The following CTC1 variants were observed in gnomAD, a reference collection of about 807,000 sequenced individuals.
CTC1 encodes CST telomere replication complex component 1.
CTC1 carries 91 observed loss-of-function variants against 136.3 expected under a neutral mutation model. That is an observed-to-expected ratio of 0.67 (90% CI 0.56 to 0.79). CTC1 has a LOEUF of 0.79. Ranked by LOEUF, CTC1 falls within the 30% of genes least tolerant of loss-of-function variation. The pLI is 0.00. For missense variants in CTC1, 1,432 were observed against 1,498.1 expected, an observed-to-expected ratio of 0.96 and a Z score of 0.73; for synonymous variants, 606 against 613.8, an observed-to-expected ratio of 0.99 and a Z score of 0.19.
intron 1 of CTC1, chr17:8,247,527 C>T (rs562603121): frequency 6.4e-6 from 1 of 155,646 alleles, no homozygotes; most frequent in South Asian, 1.6e-4. Flanking sequence ...TCAGGCTGGT[C>T]TCGAACTCCT....
At chr17:8,237,341 CCA>C in intron 5 of CTC1, 32 bp downstream of exon 5, 1 of 1,613,110 alleles carries the variant, frequency 6.2e-7, no homozygotes, top group Admixed American at 1.7e-5. Context: ...CCACCCTCCC[CCA>C]CTTCCATGGC....
chr17:8,228,326 T>G lies in CTC1; in HGVS notation c.3515-7A>C, dbSNP rs762184889. On this transcript the variant is annotated splice_polypyrimidine_tract_variant and splice_region_variant and intron_variant, in intron 22 of 22. Transcript: ENST00000651323. Reference sequence around the variant, plus strand: ...CGCTGTAGCCGAGGAGGTTCTGAGGTGGGAAGAGAGGAAAAACACACGTCT... The same window carrying G: ...CGCTGTAGCCGAGGAGGTTCTGAGGGGGGAAGAGAGGAAAAACACACGTCT... 7 of 1,613,086 alleles carry G rather than the reference T, an allele frequency of 4.3e-6. No homozygotes were observed. The highest frequency in any genetic ancestry group is 5.9e-6 in the Non-Finnish European group (7 of 1,179,386).
chr17:8,228,699 G>A (rs776482338), intron 21 of CTC1, 28 bp downstream of exon 21: 46 of 1,613,768 alleles, frequency 2.9e-5, no homozygotes, highest in Admixed American at 1.2e-4. Flanking sequence ...TTGGGTATCC[G>A]AGTCCCTCCC....
In CTC1 at chr17:8,230,388, C is replaced by T; in HGVS notation, c.2839G>A (p.Asp947Asn). The T allele has an allele frequency of 1.2e-5, 19 of 1,614,118 alleles. No homozygotes were observed. The highest frequency in any genetic ancestry group is 1.6e-5 in the Non-Finnish European group (19 of 1,180,022). The part of the protein sequence containing the change: ...TAECEFPPHL[D>N]VYIEDPHLPP... The stretch of plus-strand genomic sequence containing the variant: ...AAGTGTGGGTCTTCTATATATACAT[C>T]CAGGTGAGGGGGGAATTCACATTCA... Residue 947 changes from aspartate to asparagine, a missense_variant, in exon 17 of 23, where the codon GAT becomes AAT. Physicochemically the swap from Asp to Asn is conservative, Grantham distance 23. Transcript: ENST00000651323.
In CTC1 at chr17:8,231,410, C is replaced by G; in HGVS notation, c.2535G>C (p.Leu845Phe). Residue 845 changes from leucine (L) to phenylalanine (F), a missense_variant, in exon 15 of 23, where the codon TTG becomes TTC. Transcript: ENST00000651323. ...SSCISRRPLE[L>F]AGCASCLTVQ... ...CAGTGAGGCAGGATGCACAGCCAGC[C>G]AACTCCAGAGGACGCCGAGATATGC... The G allele has an allele frequency of 6.2e-7, 1 of 1,613,702 alleles. No homozygotes were observed. Among genetic ancestry groups the G allele is most frequent in the Non-Finnish European group, 8.5e-7 (1 of 1,179,730 alleles).
chr17:8,242,919 T>G (rs1988391050), intron 2 of CTC1, 66 bp downstream of exon 2: 1 of 1,456,084 alleles, frequency 6.9e-7, no homozygotes, highest in South Asian at 1.3e-5. Context: ...TTATAGAACC[T>G]TACTTTTCAA....
chr17:8,247,950 A>G lies in CTC1; in HGVS notation c.33+54T>C, dbSNP rs1988905164. On this transcript the variant is annotated intron_variant, in intron 1 of 22. Transcript: ENST00000651323. ...AGGCAGAGGAAATAGGAAGAGAAAG[A>G]GTATCTGTGACAAACAAGAAAAAAG... The G allele has an allele frequency of 1.9e-6, 3 of 1,556,450 alleles. No individual in the cohort carries two copies. The African/African-American group carries it at 4.1e-5, about 21-fold the overall frequency.
intron 12 of CTC1, 46 bp downstream of exon 12, chr17:8,232,315 T>G: frequency 6.3e-7 from 1 of 1,589,978 alleles, no homozygotes. Flanking sequence ...CACCAGGCCC[T>G]TCCTTCCCCC....
In CTC1 at chr17:8,228,077, TG is replaced by T; in HGVS notation, c.*102del. ...ATAGTGGAGTAGCAGTTTGTGAATC[TG>T]GAGTCCTTGGTTCAATCACAGAACA... On this transcript the variant is annotated 3_prime_UTR_variant, in exon 23 of 23. Coordinates refer to ENST00000651323, the MANE Select transcript of CTC1 (RefSeq NM_025099.6). 1 of 1,150,096 alleles carries T rather than the reference TG, an allele frequency of 8.7e-7. No homozygotes were observed. The highest frequency in any genetic ancestry group is 1.3e-6 in the Non-Finnish European group (1 of 792,654). 71.2% of individuals were successfully genotyped at this position (1,150,096 alleles called of 1,614,324 possible).
In CTC1 at chr17:8,225,487, T is replaced by G. The variant is rs1321417610; in HGVS notation, c.*2693A>C. 6.6e-6 allele frequency: 1 copy of G among 152,294 alleles called. No individual in the cohort carries two copies. The highest frequency in any genetic ancestry group is 1.5e-5 in the Non-Finnish European group (1 of 68,072). The allele number at this position is 152,294 out of a possible 1,614,324, so 9.4% of individuals were successfully genotyped here. On this transcript the variant is annotated 3_prime_UTR_variant, in exon 23 of 23. Coordinates refer to ENST00000651323, the MANE Select transcript of CTC1 (RefSeq NM_025099.6). ...GGTCCTGCCAAGAGCTCACAGATCCTATTTCTTGCCTTATCTCTGGCATTT... is the reference window on the plus strand; with the variant it reads ...GGTCCTGCCAAGAGCTCACAGATCCGATTTCTTGCCTTATCTCTGGCATTT...
chr17:8,232,403 T>C lies in CTC1; in HGVS notation c.2018A>G (p.Lys673Arg), dbSNP rs1987322538. Residue 673 changes from lysine (K) to arginine (R), a missense_variant, in exon 12 of 23, where the codon AAG (lysine) becomes AGG (arginine). Coordinates refer to ENST00000651323, the MANE Select transcript of CTC1 (RefSeq NM_025099.6). ...GATGAAGCCTGGCATGCTCAGCTCC[T>C]TCCAGGAAGGGAAGCTGCTTCTCAC... ...RDVRSSFPSWKELSMPGFIQK... is the reference protein window; with the variant it reads ...RDVRSSFPSWRELSMPGFIQK... 1.9e-6 allele frequency: 3 copies of C among 1,614,034 alleles called. No homozygotes were observed. The highest frequency in any genetic ancestry group is 2.2e-5 in the South Asian group (2 of 91,088).
chr17:8,242,349 A>G (rs1988299262), intron 2 of CTC1, among the ~76,000 whole-genome samples: 1 of 151,794 alleles, frequency 6.6e-6, no homozygotes, highest in South Asian at 2.1e-4. Context: ...GATTACTTCT[A>G]TGAGGAGATA....
chr17:8,242,547 A>ATATAT (rs1363648104), intron 2 of CTC1, among the ~76,000 whole-genome samples: 1 of 96,846 alleles, frequency 1.0e-5, no homozygotes, highest in African/African-American at 3.7e-5. Flanking sequence ...AAAAAAAAAA[A>ATATAT]AAAAAAATAT....
Position 8,246,965 on chromosome 17 carries a change from C to CTTATTTATTTAT in CTC1, c.33+1027_33+1038dup, listed in dbSNP as rs147423378. The stretch of plus-strand genomic sequence containing the variant: ...CCTTTAGATTGTATTTTCTTAACAT[C>CTTATTTATTTAT]TTATTTATTTATTTATTTATTTATT... On this transcript the variant is annotated intron_variant, in intron 1 of 22. Transcript: ENST00000651323. 9.2e-3 allele frequency among the ~76,000 whole-genome samples: 1,299 copies of CTTATTTATTTAT among 141,484 alleles called. 24 individuals carry two copies. The highest frequency in any genetic ancestry group is 0.029 in the South Asian group (125 of 4,240). 92.8% of individuals were successfully genotyped at this position (141,484 alleles called of 152,430 possible).
chr17:8,235,110 T>G lies in CTC1; in HGVS notation c.1382A>C (p.Gln461Pro), dbSNP rs748448026. 2.5e-5 allele frequency: 41 copies of G among 1,614,146 alleles called. No homozygotes were observed. The highest frequency in any genetic ancestry group is 3.4e-5 in the Non-Finnish European group (40 of 1,180,016). The change falls in exon 8 of 23, where the codon CAG becomes CCG. Residue 461 changes from glutamine to proline, a missense_variant. Gln to Pro is a moderately conservative substitution (Grantham distance 76). Transcript: ENST00000651323. ...CCACAGGTAGAGGGGAAGTCCTAAC[T>G]GACGTTCCCACACCAGCTGCTCGTA... is the stretch of plus-strand genomic sequence containing the variant. ...SLYEQLVWER[Q>P]LGLPLYLWAT...
Position 8,228,116 on chromosome 17 carries a change from A to C in CTC1, c.*64T>G, listed in dbSNP as rs886053609. ...CAATCACAGAACAAGTAGGGAGAGG[A>C]GCCAGGACCTAGGCCTTCAGGTTTT... On this transcript the variant is annotated 3_prime_UTR_variant, in exon 23 of 23. Transcript: ENST00000651323. The C allele has an allele frequency of 1.4e-4, 207 of 1,495,780 alleles. 2 individuals carry two copies. In the Admixed American group the frequency reaches 1.5e-3, roughly 11 times the overall value. 92.7% of individuals were successfully genotyped at this position (1,495,780 alleles called of 1,614,324 possible). A position where few individuals can be genotyped will look rare whatever the true frequency, so the allele number is the denominator to read the frequency against.
In CTC1 at chr17:8,238,191, A is replaced by G. The variant is rs1349743250; in HGVS notation, c.487T>C (p.Trp163Arg). The change falls in exon 4 of 23, where the codon TGG (tryptophan) becomes CGG (arginine). Residue 163 changes from tryptophan to arginine, a missense_variant. Coordinates refer to ENST00000651323, the MANE Select transcript of CTC1 (RefSeq NM_025099.6). ...CACCTGGCAGGAGGGAGGTAACTCC[A>G]ACGGGGGAACAGAAAAAGATGGCCC... Reference protein sequence around the residue: ...WLGHLFLFPRWSYLPPARWNS... With the variant: ...WLGHLFLFPRRSYLPPARWNS... 6.2e-7 allele frequency: 1 copy of G among 1,612,822 alleles called. No homozygotes were observed. The highest frequency in any genetic ancestry group is 1.3e-5 in the African/African-American group (1 of 74,896).
Position 8,248,002 on chromosome 17 carries a change from AC to A in CTC1, c.33+1del, listed in dbSNP as rs1256152628. ...AACAAGAGACGTAATAGCAGCACTCACGGAGGAAGGGACCTGGGCCCGGCCA... is the reference window on the plus strand; with the variant it reads ...AACAAGAGACGTAATAGCAGCACTCAGGAGGAAGGGACCTGGGCCCGGCCA... On this transcript the variant is annotated splice_donor_variant, in intron 1 of 22. Coordinates refer to ENST00000651323, the MANE Select transcript of CTC1 (RefSeq NM_025099.6). LOFTEE classifies it high-confidence loss of function. The A allele has an allele frequency of 6.4e-7, 1 of 1,571,754 alleles. No individual in the cohort carries two copies. Among genetic ancestry groups the A allele is most frequent in the Non-Finnish European group, 8.7e-7 (1 of 1,153,064 alleles).
At chr17:8,245,783 T>C (rs1248677015) in intron 1 of CTC1, among the ~76,000 whole-genome samples, 1 of 151,940 alleles carries the variant, frequency 6.6e-6, no homozygotes, top group Non-Finnish European at 1.5e-5. Flanking sequence ...AAAAGAAAAA[T>C]TAGCTGGGCA....
Sources: gnomAD v4.1 joint callset for allele counts (sites outside exome capture counted in the v4.1 genomes callset) on GRCh38, gnomAD v4.1.1 for gene constraint, MANE v1.5 for transcripts, NCBI Gene and HGNC (gene_info 2026-07-23, HGNC 2026-07-21) for gene names.